Variants in IKZF1 observed in about 807,000 individuals in gnomAD.
IKZF1 encodes the protein DNA-binding protein Ikaros.
A neutral mutation model predicts 51.7 loss-of-function variants in IKZF1; 10 were observed. The observed-to-expected ratio is 0.19, with a 90% CI of 0.12 to 0.33. The LOEUF (loss-of-function observed/expected upper bound fraction) is 0.33, where lower values mean the gene tolerates loss of function less well. Among genes scored for constraint, IKZF1 ranks in the 10% least tolerant of loss-of-function variants. The pLI, the probability that IKZF1 is intolerant of heterozygous loss-of-function variation, is 1.00. For synonymous variants in IKZF1, 280 were observed against 282.3 expected, an observed-to-expected ratio of 0.99 and a Z score of 0.08; for missense variants, 484 against 707.5, an observed-to-expected ratio of 0.68 and a Z score of 3.58.
chr7:50,324,465 A>AT (rs1409132244), intron 2 of IKZF1, among the ~76,000 whole-genome samples: 1 of 152,116 alleles, frequency 6.6e-6, no homozygotes, highest in Non-Finnish European at 1.5e-5. Context: ...ACCAAGACTG[A>AT]TTTTTTATTC....
chr7:50,376,483 G>GTTTT lies in IKZF1; in HGVS notation c.161-43_161-40dup. ...TTTTGCTGCTGTGTTGTTTTGTTGA[G>GTTTT]TTTTTTTTTTGCAATGACACTGAGT... On this transcript the variant is annotated intron_variant, in intron 3 of 7. Transcript: ENST00000331340. The surrounding 1 kb of genome is among the most constrained non-coding windows in gnomAD (Gnocchi z 4.5). The GTTTT allele has an allele frequency of 7.4e-7, 1 of 1,359,390 alleles. No individual in the cohort carries two copies. The highest frequency in any genetic ancestry group is 1.0e-6 in the Non-Finnish European group (1 of 996,244). 84.2% of individuals were successfully genotyped at this position (1,359,390 alleles called of 1,614,324 possible).
In IKZF1 at chr7:50,403,774, G is replaced by A. The variant is rs1453308954; in HGVS notation, c.*3147G>A. On this transcript the variant is annotated 3_prime_UTR_variant, in exon 8 of 8. Coordinates refer to ENST00000331340, the MANE Select transcript of IKZF1 (RefSeq NM_006060.6). Reference sequence around the variant, plus strand: ...TCCTTGAGAAAGAGCTGCCTGAGATGTAGTTTTGTTATATGGTTCCCCACC... The same window carrying A: ...TCCTTGAGAAAGAGCTGCCTGAGATATAGTTTTGTTATATGGTTCCCCACC... The A allele has an allele frequency of 4.4e-6, 1 of 227,932 alleles. No individual in the cohort carries two copies. Among genetic ancestry groups the A allele is most frequent in the East Asian group, 6.3e-5 (1 of 15,988 alleles). 14.1% of individuals were successfully genotyped at this position (227,932 alleles called of 1,614,324 possible).
intron 3 of IKZF1, among the ~76,000 whole-genome samples, chr7:50,349,568 C>T (rs1335517061): frequency 1.3e-5 from 2 of 152,100 alleles, no homozygotes; most frequent in Non-Finnish European, 1.5e-5. Flanking sequence ...TTTGGTTTAT[C>T]GTGGGCCAAG....
chr7:50,396,412 ATC>A (rs1354088386), intron 7 of IKZF1, among the ~76,000 whole-genome samples: 1 of 151,996 alleles, frequency 6.6e-6, no homozygotes, highest in Non-Finnish European at 1.5e-5. Flanking sequence ...GAGACCCGAA[ATC>A]TCTTTTTTCC....
intron 7 of IKZF1, among the ~76,000 whole-genome samples, chr7:50,393,195 C>T (rs1163147933): frequency 6.6e-6 from 1 of 151,994 alleles, no homozygotes; most frequent in Non-Finnish European, 1.5e-5. Context: ...GGGCTGGGGG[C>T]AGGGATTAGG....
intron 3 of IKZF1, among the ~76,000 whole-genome samples, chr7:50,337,273 TG>T: frequency 6.6e-6 from 1 of 152,170 alleles, no homozygotes; most frequent in Admixed American, 6.5e-5. Flanking sequence ...TAAATGTGAT[TG>T]AAGTCCAGTA....
chr7:50,327,999 A>G (rs888938658), intron 3 of IKZF1: 12 of 476,912 alleles, frequency 2.5e-5, no homozygotes, highest in Admixed American at 1.2e-4. Context: ...TTGAGGAGCA[A>G]TCCTGCCCAG....
At chr7:50,346,101 A>G (rs1800292526) in intron 3 of IKZF1, among the ~76,000 whole-genome samples, 1 of 152,220 alleles carries the variant, frequency 6.6e-6, no homozygotes, top group South Asian at 2.1e-4. Context: ...AAGAGATTCT[A>G]GTGCAGACAA....
At chr7:50,382,760 A>C (rs2153478314) in intron 5 of IKZF1, 53 bp downstream of exon 5, 3 of 1,545,144 alleles carry the variant, frequency 1.9e-6, no homozygotes, top group Non-Finnish European at 2.6e-6. Flanking sequence ...GGATTCCTCC[A>C]CTCTGCCCGC....
Position 50,376,438 on chromosome 7 carries a change from C to G in IKZF1, c.161-95C>G. 6.5e-7 allele frequency: 1 copy of G among 1,549,266 alleles called. No individual in the cohort carries two copies. The highest frequency in any genetic ancestry group is 8.7e-7 in the Non-Finnish European group (1 of 1,150,544). ...CTAAGAACTTCTGTTTAGTAGCTCTCCACACCTATTTGATTGTCTTTTTGC... is the reference window on the plus strand; with the variant it reads ...CTAAGAACTTCTGTTTAGTAGCTCTGCACACCTATTTGATTGTCTTTTTGC... On this transcript the variant is annotated intron_variant, in intron 3 of 7. Transcript: ENST00000331340. The surrounding 1 kb of genome is among the most constrained non-coding windows in gnomAD (Gnocchi z 4.5).
intron 4 of IKZF1, among the ~76,000 whole-genome samples, chr7:50,378,844 C>T (rs559128005): frequency 6.6e-6 from 1 of 152,354 alleles, no homozygotes; most frequent in African/African-American, 2.4e-5. Flanking sequence ...GCAATGAACT[C>T]ATGAATTGTT....
At chr7:50,383,698 C>G (rs1480278375) in intron 5 of IKZF1, among the ~76,000 whole-genome samples, 1 of 152,242 alleles carries the variant, frequency 6.6e-6, no homozygotes, top group African/African-American at 2.4e-5. Context: ...AGCCAGGGCC[C>G]TTCTCCAAGC....
At chr7:50,356,087 C>T (rs1229087097) in intron 3 of IKZF1, among the ~76,000 whole-genome samples, 2 of 152,188 alleles carry the variant, frequency 1.3e-5, no homozygotes, top group South Asian at 2.1e-4. Flanking sequence ...CTGTTTTCCT[C>T]GCTTAAAAAA....
chr7:50,310,671 G>A (rs6583437), intron 1 of IKZF1, among the ~76,000 whole-genome samples: 54,035 of 152,022 alleles, frequency 0.36, 10,055 homozygotes, highest in East Asian at 0.56. Context: ...TTCCAGATTC[G>A]GGTTACAGGA....
At position 50,403,617 on chromosome 7, in the gene IKZF1, CAA is replaced by C. The variant is rs35976156; in HGVS notation, c.*2991_*2992del. 2,006 of 228,562 alleles carry C rather than the reference CAA, an allele frequency of 8.8e-3. 36 individuals carry two copies. Among genetic ancestry groups the C allele is most frequent in the African/African-American group, 0.039 (1,773 of 45,134 alleles). 14.2% of individuals were successfully genotyped at this position (228,562 alleles called of 1,614,324 possible). On this transcript the variant is annotated 3_prime_UTR_variant, in exon 8 of 8. Coordinates refer to ENST00000331340, the MANE Select transcript of IKZF1 (RefSeq NM_006060.6). ...CCTAAAGAGTGTGATTATCCTAATT[CAA>C]GAGTCACTAAAACTCATCACATTAT...
At chr7:50,337,367 C>T (rs1798046068) in intron 3 of IKZF1, among the ~76,000 whole-genome samples, 1 of 152,142 alleles carries the variant, frequency 6.6e-6, no homozygotes, top group Admixed American at 6.5e-5. Context: ...ATGAGCTGGG[C>T]CTGGGCCTGG....
intron 3 of IKZF1, among the ~76,000 whole-genome samples, chr7:50,360,045 G>C (rs943396395): frequency 6.6e-6 from 1 of 152,158 alleles, no homozygotes; most frequent in Non-Finnish European, 1.5e-5. Flanking sequence ...ACCCATGGCC[G>C]AGAGCGGCGG....
intron 5 of IKZF1, among the ~76,000 whole-genome samples, chr7:50,385,633 A>G (rs1813156725): frequency 6.6e-6 from 1 of 152,236 alleles, no homozygotes; most frequent in African/African-American, 2.4e-5. Context: ...CTTATGTTCC[A>G]GAGTTAAACT....
Position 50,402,794 on chromosome 7 carries a change from C to T in IKZF1, c.*2167C>T, listed in dbSNP as rs754221991. On this transcript the variant is annotated 3_prime_UTR_variant, in exon 8 of 8. Transcript: ENST00000331340. ...CACAGAAGGGTGTGGCATTTGGAAA[C>T]GGGAATAAACAAAATTGCTGCACCA... The T allele has an allele frequency of 1.3e-5, 3 of 229,966 alleles. No homozygotes were observed. The highest frequency in any genetic ancestry group is 6.1e-5 in the East Asian group (1 of 16,266). The allele number at this position is 229,966 out of a possible 1,614,324, so 14.2% of individuals were successfully genotyped here. A position where few individuals can be genotyped will look rare whatever the true frequency, so the allele number is the denominator to read the frequency against.
Sources: allele counts gnomAD v4.1 joint callset (sites outside exome capture counted in the v4.1 genomes callset), GRCh38; gene constraint gnomAD v4.1.1; non-coding constraint Gnocchi (gnomAD v3.1); transcripts MANE v1.5; gene names NCBI Gene and HGNC (gene_info 2026-07-23, HGNC 2026-07-21).